The following RPF2 variants were observed in gnomAD, a reference collection of about 807,000 sequenced individuals.
RPF2 encodes the protein brix domain containing 1.
RPF2 carries 21 observed loss-of-function variants against 38.9 expected under a neutral mutation model. That is an observed-to-expected ratio of 0.54 (90% CI 0.38 to 0.78). The LOEUF (loss-of-function observed/expected upper bound fraction) is 0.78. RPF2 is among the 30% of genes least tolerant of loss of function. The pLI is 0.00. For missense variants in RPF2, 314 were observed against 358.1 expected (o/e 0.88, Z 0.99); for synonymous variants, 121 against 126.2 (o/e 0.96, Z 0.28).
chr6:110,990,619 C>T (rs980378309), intron 3 of RPF2, among the ~76,000 whole-genome samples: 2 of 134,014 alleles, frequency 1.5e-5, no homozygotes, highest in African/African-American at 5.4e-5. Flanking sequence ...GAGTCTCACT[C>T]TTTCACCCAG....
intron 7 of RPF2, among the ~76,000 whole-genome samples, chr6:111,008,762 G>T (rs1771960589): frequency 6.6e-6 from 1 of 151,868 alleles, no homozygotes; most frequent in Admixed American, 6.6e-5. Context: ...ATTAGAAAGG[G>T]TTTATTGCCA....
At chr6:111,023,929 A>G (rs1296974028) in intron 8 of RPF2, among the ~76,000 whole-genome samples, 2 of 152,100 alleles carry the variant, frequency 1.3e-5, no homozygotes, top group African/African-American at 2.4e-5. Context: ...TGGAGCTTAC[A>G]GTGAGCCAAG....
At chr6:110,982,805 T>G (rs1249225956) in intron 1 of RPF2, among the ~76,000 whole-genome samples, 1 of 152,220 alleles carries the variant, frequency 6.6e-6, no homozygotes, top group African/African-American at 2.4e-5. Context: ...GTTTTAGTCA[T>G]TCAGAGATTT....
intron 8 of RPF2, among the ~76,000 whole-genome samples, chr6:111,020,522 A>C (rs1772213551): frequency 2.0e-5 from 3 of 152,368 alleles, no homozygotes; most frequent in South Asian, 2.1e-4. Flanking sequence ...AGAAAGATAC[A>C]GAGAAAATAA....
At chr6:110,994,472 C>T (rs1437841057) in intron 4 of RPF2, among the ~76,000 whole-genome samples, 1 of 151,594 alleles carries the variant, frequency 6.6e-6, no homozygotes, top group Non-Finnish European at 1.5e-5. Context: ...CAAGTGCTAA[C>T]TATCTGGGAG....
chr6:110,997,543 C>G (rs1358737804), intron 5 of RPF2, among the ~76,000 whole-genome samples: 2 of 152,016 alleles, frequency 1.3e-5, no homozygotes, highest in East Asian at 1.9e-4. Context: ...GAGTTCGAGA[C>G]CAGCCTGGCC....
At chr6:111,016,699 T>TTG (rs1293672901) in intron 8 of RPF2, among the ~76,000 whole-genome samples, 1 of 148,986 alleles carries the variant, frequency 6.7e-6, no homozygotes, top group African/African-American at 2.5e-5. Flanking sequence ...TTTTTTTTTT[T>TTG]TTAATTGATC....
chr6:111,006,801 C>G (rs994311913), intron 6 of RPF2, among the ~76,000 whole-genome samples: 8 of 152,064 alleles, frequency 5.3e-5, no homozygotes, highest in Non-Finnish European at 7.4e-5. Context: ...TGGCCAGTTG[C>G]AGTGGCTCAT....
rs536806362 is a variant in RPF2 at position 110,997,203 on chromosome 6, A to G, written c.255A>G (p.Ser85=). The G allele has an allele frequency of 1.7e-5, 27 of 1,597,446 alleles. No individual in the cohort carries two copies. In the Admixed American group the frequency reaches 2.7e-4, roughly 16 times the overall value. Residue 85 remains serine (S), a synonymous_variant, in exon 5 of 10, where the codon TCA becomes TCG. Coordinates refer to ENST00000441448, the MANE Select transcript of RPF2 (RefSeq NM_032194.3). The part of the protein sequence containing the change: ...QTSLEFFSKK[S]DCSLFMFGSH... The stretch of plus-strand genomic sequence containing the variant: ...TATAGGAATTCTTTTCAAAGAAGTC[A>G]GATTGTTCTTTATTCATGTTTGGCT...
At chr6:110,984,306 G>A (rs184480717) in intron 1 of RPF2, among the ~76,000 whole-genome samples, 2 of 152,032 alleles carry the variant, frequency 1.3e-5, no homozygotes, top group Admixed American at 1.3e-4. Flanking sequence ...CTTTGTATTA[G>A]GGTACAGGAT....
At chr6:111,014,614 G>A (rs979062351) in intron 7 of RPF2, among the ~76,000 whole-genome samples, 2 of 152,188 alleles carry the variant, frequency 1.3e-5, no homozygotes, top group African/African-American at 4.8e-5. Flanking sequence ...GCCTTGGGCA[G>A]CTCTTCCTAA....
At position 111,025,389 on chromosome 6, in the gene RPF2, T is replaced by C. The variant is rs756226371; in HGVS notation, c.742-14T>C. The C allele has an allele frequency of 1.3e-6, 2 of 1,559,960 alleles. No individual in the cohort carries two copies. The highest frequency in any genetic ancestry group is 2.3e-5 in the South Asian group (2 of 86,734). On this transcript the variant is annotated splice_polypyrimidine_tract_variant and intron_variant, in intron 9 of 9. Coordinates refer to ENST00000441448, the MANE Select transcript of RPF2 (RefSeq NM_032194.3). ...TAGAAGGCCATTAAATATATACATA[T>C]TCTTTTATCGTAGCCAAAGAAGAAG... is the stretch of plus-strand genomic sequence containing the variant.
chr6:110,998,055 C>A (rs1386255828), intron 5 of RPF2, among the ~76,000 whole-genome samples: 1 of 152,074 alleles, frequency 6.6e-6, no homozygotes, highest in Non-Finnish European at 1.5e-5. Flanking sequence ...CAAGTGCCCA[C>A]CACCACACCC....
At chr6:111,016,145 G>A (rs1181930413) in intron 8 of RPF2, among the ~76,000 whole-genome samples, 1 of 152,154 alleles carries the variant, frequency 6.6e-6, no homozygotes, top group Non-Finnish European at 1.5e-5. Context: ...TGGATTTACA[G>A]CACTAAGCCA....
intron 4 of RPF2, among the ~76,000 whole-genome samples, chr6:110,992,213 G>A (rs1266794855): frequency 3.9e-5 from 6 of 152,064 alleles, no homozygotes; most frequent in Non-Finnish European, 5.9e-5. Context: ...AGGCGGCTGA[G>A]GCAGGATAGT....
intron 7 of RPF2, 42 bp downstream of exon 7, chr6:111,008,179 A>G: frequency 6.5e-7 from 1 of 1,535,302 alleles, no homozygotes; most frequent in East Asian, 2.4e-5. Context: ...TAGCTCAGGA[A>G]GACAGTCTCA....
At chr6:110,983,893 G>A (rs1397757150) in intron 1 of RPF2, among the ~76,000 whole-genome samples, 1 of 152,020 alleles carries the variant, frequency 6.6e-6, no homozygotes, top group Non-Finnish European at 1.5e-5. Context: ...GCCGGGCGTC[G>A]TGGCGGGCGC....
chr6:111,013,796 TATG>T lies in RPF2; in HGVS notation c.494-1955_494-1953del, dbSNP rs201876327. ...GCAAAATCATGGGAAAGCTCTTTAT[TATG>T]ATATTTAGATTAAAATATCTTGAAA... On this transcript the variant is annotated intron_variant, in intron 7 of 9. Coordinates refer to ENST00000441448, the MANE Select transcript of RPF2 (RefSeq NM_032194.3). Among the ~76,000 whole-genome samples, 192 of 152,296 alleles carry T rather than the reference TATG, an allele frequency of 1.3e-3. 1 individual carries two copies. In the East Asian group the frequency reaches 0.023, roughly 18 times the overall value.
chr6:111,017,460 G>GT (rs1772143322), intron 8 of RPF2, among the ~76,000 whole-genome samples: 1 of 151,464 alleles, frequency 6.6e-6, no homozygotes, highest in Non-Finnish European at 1.5e-5. Flanking sequence ...CTCAGACGGG[G>GT]CGGCTGCCGG....
Sources: allele counts gnomAD v4.1 joint callset (sites outside exome capture counted in the v4.1 genomes callset), GRCh38; gene constraint gnomAD v4.1.1; transcripts MANE v1.5; gene names NCBI Gene and HGNC (gene_info 2026-07-23, HGNC 2026-07-21).